Variants in SARNP observed in about 807,000 individuals in gnomAD.
SARNP encodes the protein SAP domain-containing ribonucleoprotein.
SARNP carries 5 observed loss-of-function variants against 38.1 expected under a neutral mutation model. The observed-to-expected ratio is 0.13, with a 90% CI of 0.07 to 0.28. SARNP has a LOEUF of 0.28. Among genes scored for constraint, SARNP ranks in the 10% least tolerant of loss-of-function variants. SARNP has a pLI of 1.00. For missense variants in SARNP, 180 were observed against 243.9 expected (o/e 0.74, Z 1.75); for synonymous variants, 84 against 80.6 (o/e 1.04, Z -0.23).
intron 1 of SARNP, 84 bp from the exon 2 acceptor site, chr12:55,803,812 A>G: frequency 2.2e-6 from 2 of 895,082 alleles, no homozygotes; most frequent in Admixed American, 2.3e-5. Context: ...AGGAAAAGAA[A>G]AAAAGAAAAT....
intron 1 of SARNP, among the ~76,000 whole-genome samples, chr12:55,810,837 G>C (rs910853671): frequency 4.0e-5 from 6 of 151,550 alleles, no homozygotes; most frequent in African/African-American, 1.5e-4. Context: ...AACACTTTGG[G>C]AGTCCGAGGC....
At chr12:55,788,052 T>C (rs1337205654) in intron 9 of SARNP, among the ~76,000 whole-genome samples, 1 of 151,970 alleles carries the variant, frequency 6.6e-6, no homozygotes, top group Non-Finnish European at 1.5e-5. Context: ...CCTGGCCCGA[T>C]TTTTTTCTTA....
At chr12:55,785,833 TCAC>T in intron 9 of SARNP, among the ~76,000 whole-genome samples, 2 of 151,160 alleles carry the variant, frequency 1.3e-5, no homozygotes, top group African/African-American at 4.9e-5. Context: ...GAGTGCAGTG[TCAC>T]TATCATGGCT....
At chr12:55,800,431 AC>A in intron 4 of SARNP, 130 bp downstream of exon 4, 1 of 639,780 alleles carries the variant, frequency 1.6e-6, no homozygotes, top group Non-Finnish European at 2.6e-6. Context: ...CTTCTAAAAA[AC>A]AAAAAAATGA....
chr12:55,794,326 G>A, intron 7 of SARNP, 33 bp downstream of exon 7: 8 of 1,570,294 alleles, frequency 5.1e-6, no homozygotes, highest in Non-Finnish European at 7.0e-6. Context: ...GAATAAAAAG[G>A]TAACTTTCTC....
At chr12:55,753,705 G>C (rs756958896), downstream of SARNP, 4 of 149,528 alleles carry the variant, frequency 2.7e-5, no homozygotes, top group African/African-American at 7.5e-5. Context: ...AGGTGGCGGA[G>C]GTTGCAGTGA....
At chr12:55,813,764 G>A (rs1406255199) in intron 1 of SARNP, among the ~76,000 whole-genome samples, 6 of 151,990 alleles carry the variant, frequency 3.9e-5, no homozygotes, top group South Asian at 2.1e-4. Context: ...GGCTGGTCTC[G>A]AACTCTCGAC....
chr12:55,794,468 GAC>G, intron 6 of SARNP, 81 bp from the exon 7 acceptor site: 3 of 1,193,368 alleles, frequency 2.5e-6, no homozygotes, highest in Non-Finnish European at 3.7e-6. Context: ...GTATACATAT[GAC>G]ACTTCTTGCT....
At chr12:55,760,865 T>C in intron 9 of SARNP, 1 of 468,298 alleles carries the variant, frequency 2.1e-6, no homozygotes, top group Non-Finnish European at 3.8e-6. Flanking sequence ...TCAATACTCA[T>C]AAGACAAGTA....
chr12:55,814,497 T>C (rs1880424459), intron 1 of SARNP, among the ~76,000 whole-genome samples: 1 of 152,246 alleles, frequency 6.6e-6, no homozygotes, highest in Admixed American at 6.5e-5. Context: ...CAATAGTTCC[T>C]TTTCTAATGT....
At chr12:55,805,690 T>C (rs1880117718) in intron 1 of SARNP, among the ~76,000 whole-genome samples, 1 of 152,086 alleles carries the variant, frequency 6.6e-6, no homozygotes, top group South Asian at 2.1e-4. Flanking sequence ...CTACTAAAAA[T>C]ACAAATATTA....
intron 9 of SARNP, among the ~76,000 whole-genome samples, chr12:55,783,523 C>CAT (rs1370513989): frequency 6.7e-6 from 1 of 148,694 alleles, no homozygotes; most frequent in African/African-American, 2.5e-5. Context: ...AAGCTGGAAA[C>CAT]ATGAACAAAC....
chr12:55,789,546 C>T lies in SARNP; in HGVS notation c.433-403G>A, dbSNP rs186410694. ...ATCTCCAAACAAAGAGAAACTATCACGGAAGCACCTTTTTCAGAAGACAAC... is the reference window on the plus strand; with the variant it reads ...ATCTCCAAACAAAGAGAAACTATCATGGAAGCACCTTTTTCAGAAGACAAC... On this transcript the variant is annotated intron_variant, in intron 8 of 10. Coordinates refer to ENST00000336133, the MANE Select transcript of SARNP (RefSeq NM_033082.4). Among the ~76,000 whole-genome samples the T allele has an allele frequency of 3.3e-5, 5 of 152,340 alleles. No individual in the cohort carries two copies. The East Asian group carries it at 7.7e-4, about 23-fold the overall frequency.
chr12:55,768,787 G>T (rs767891764), intron 9 of SARNP, among the ~76,000 whole-genome samples: 3 of 151,988 alleles, frequency 2.0e-5, no homozygotes, highest in Non-Finnish European at 4.4e-5. Context: ...GCAATGGCAC[G>T]ATCTCGGCTC....
chr12:55,786,209 T>C (rs1273381218), intron 9 of SARNP, among the ~76,000 whole-genome samples: 1 of 152,216 alleles, frequency 6.6e-6, no homozygotes, highest in Non-Finnish European at 1.5e-5. Flanking sequence ...CAAATTCTTT[T>C]CAGCAATGTG....
intron 9 of SARNP, among the ~76,000 whole-genome samples, chr12:55,763,938 T>A (rs534196122): frequency 6.6e-6 from 1 of 152,324 alleles, no homozygotes; most frequent in East Asian, 1.9e-4. Flanking sequence ...CCTCAAGGTA[T>A]CTCACTTAAG....
chr12:55,817,140 T>C (rs1880514547), intron 1 of SARNP, among the ~76,000 whole-genome samples: 1 of 152,172 alleles, frequency 6.6e-6, no homozygotes, highest in Non-Finnish European at 1.5e-5. Flanking sequence ...CTCTCCCTGT[T>C]TCAAAATTCG....
chr12:55,811,630 C>T (rs1880331470), intron 1 of SARNP, among the ~76,000 whole-genome samples: 1 of 152,144 alleles, frequency 6.6e-6, no homozygotes, highest in Admixed American at 6.5e-5. Flanking sequence ...AATAGTAGAC[C>T]AATATGCCAG....
At chr12:55,775,528 CA>C (rs1170184393) in intron 9 of SARNP, among the ~76,000 whole-genome samples, 25 of 53,462 alleles carry the variant, frequency 4.7e-4, no homozygotes, top group Non-Finnish European at 6.8e-4. Context: ...CGCTCTGTCT[CA>C]AAAAAAAAAA....
Sources: gnomAD v4.1 joint callset for allele counts (sites outside exome capture counted in the v4.1 genomes callset) on GRCh38, gnomAD v4.1.1 for gene constraint, MANE v1.5 for transcripts, NCBI Gene and HGNC (gene_info 2026-07-23, HGNC 2026-07-21) for gene names.